Variants in EPHA6 observed in about 807,000 individuals in gnomAD.
EPHA6 encodes the protein EPH receptor A6, also known as ephrin type-A receptor 6.
EPHA6 carries 50 observed loss-of-function variants against 112.0 expected under a neutral mutation model. The observed-to-expected ratio is 0.45, with a 90% CI of 0.36 to 0.56. The LOEUF (loss-of-function observed/expected upper bound fraction) is 0.56. Ranked by LOEUF, EPHA6 falls within the 20% of genes least tolerant of loss-of-function variation. The pLI, the probability that EPHA6 is intolerant of heterozygous loss-of-function variation, is 0.00. For synonymous variants in EPHA6, 529 were observed against 490.7 expected, an observed-to-expected ratio of 1.08 and a Z score of -1.03; for missense variants, 1,280 against 1,417.4, an observed-to-expected ratio of 0.90 and a Z score of 1.56.
chr3:97,660,634 G>A (rs2094163498), intron 14 of EPHA6, among the ~76,000 whole-genome samples: 1 of 152,036 alleles, frequency 6.6e-6, no homozygotes, highest in African/African-American at 2.4e-5. Flanking sequence ...TGCCTGTATT[G>A]TGCCCAGAAT....
chr3:97,457,858 A>G (rs1310010987), intron 7 of EPHA6, among the ~76,000 whole-genome samples: 3 of 151,898 alleles, frequency 2.0e-5, no homozygotes, highest in African/African-American at 7.3e-5. Flanking sequence ...CGAGGTCAGG[A>G]GATCGAGACC....
chr3:97,661,383 A>G (rs2094168962), intron 14 of EPHA6, among the ~76,000 whole-genome samples: 2 of 152,318 alleles, frequency 1.3e-5, no homozygotes, highest in South Asian at 4.1e-4. Context: ...AACACTGCAG[A>G]AATCTTATAG....
At chr3:97,695,496 A>G (rs1433314006) in intron 14 of EPHA6, among the ~76,000 whole-genome samples, 1 of 152,200 alleles carries the variant, frequency 6.6e-6, no homozygotes, top group African/African-American at 2.4e-5. Context: ...TCAAGAAGCT[A>G]TCTATTGTAA....
At chr3:97,127,131 C>T (rs887128143) in intron 3 of EPHA6, among the ~76,000 whole-genome samples, 1 of 152,012 alleles carries the variant, frequency 6.6e-6, no homozygotes, top group African/African-American at 2.4e-5. Context: ...GAAATGAAGA[C>T]CCAAGTAATA....
In EPHA6 at chr3:96,857,457, A is replaced by C. The variant is rs938922336; in HGVS notation, c.386-9368A>C. On this transcript the variant is annotated intron_variant, in intron 1 of 17. Coordinates refer to ENST00000389672, the MANE Select transcript of EPHA6 (RefSeq NM_001080448.3). ...CATTCCTCCTCCTAACTCCTCTGCAATAGAGAAATATGCCAAAAAAGATTA... is the reference window on the plus strand; with the variant it reads ...CATTCCTCCTCCTAACTCCTCTGCACTAGAGAAATATGCCAAAAAAGATTA... Among the ~76,000 whole-genome samples the C allele has an allele frequency of 5.3e-5, 8 of 151,666 alleles. No homozygotes were observed. In the East Asian group the frequency reaches 1.5e-3, roughly 29 times the overall value.
chr3:97,640,425 C>T (rs1160712961), intron 14 of EPHA6, among the ~76,000 whole-genome samples: 2 of 152,086 alleles, frequency 1.3e-5, no homozygotes, highest in African/African-American at 4.8e-5. Context: ...GAGACAGGCA[C>T]TGATTTATTT....
At chr3:97,200,356 A>G (rs2077548003) in intron 3 of EPHA6, among the ~76,000 whole-genome samples, 1 of 152,022 alleles carries the variant, frequency 6.6e-6, no homozygotes, top group Non-Finnish European at 1.5e-5. Context: ...GTCCTTCTTA[A>G]CCATCAGACC....
At chr3:96,905,511 G>T (rs1438145548) in intron 2 of EPHA6, among the ~76,000 whole-genome samples, 1 of 151,872 alleles carries the variant, frequency 6.6e-6, no homozygotes, top group Admixed American at 6.6e-5. Flanking sequence ...TTTATGCAAA[G>T]ACAATTGATA....
At chr3:97,007,445 T>A (rs2043924660) in intron 3 of EPHA6, among the ~76,000 whole-genome samples, 2 of 151,978 alleles carry the variant, frequency 1.3e-5, no homozygotes, top group Non-Finnish European at 2.9e-5. Context: ...TTTTTTTTCT[T>A]TCCATTTGCT....
chr3:97,248,003 A>G (rs2079032368), intron 5 of EPHA6, among the ~76,000 whole-genome samples: 1 of 152,014 alleles, frequency 6.6e-6, no homozygotes, highest in Admixed American at 6.6e-5. Flanking sequence ...CTGTATGTAT[A>G]TATTTTTTCT....
intron 1 of EPHA6, among the ~76,000 whole-genome samples, chr3:96,833,345 A>C (rs2107286065): frequency 6.6e-6 from 1 of 151,860 alleles, no homozygotes; most frequent in African/African-American, 2.4e-5. Flanking sequence ...AAAACTAGGA[A>C]GGAGGCATGG....
chr3:96,994,031 C>T (rs760710031), intron 3 of EPHA6, among the ~76,000 whole-genome samples: 1 of 152,062 alleles, frequency 6.6e-6, no homozygotes, highest in South Asian at 2.1e-4. Flanking sequence ...TCCAAAAAGT[C>T]GTACTACTGA....
chr3:97,311,103 A>G (rs1488221766), intron 5 of EPHA6, among the ~76,000 whole-genome samples: 2 of 151,618 alleles, frequency 1.3e-5, no homozygotes, highest in African/African-American at 4.8e-5. Flanking sequence ...GCAAGTCTGG[A>G]TGCTGAAGTG....
intron 16 of EPHA6, among the ~76,000 whole-genome samples, chr3:97,742,557 A>T (rs1334001230): frequency 6.6e-6 from 1 of 152,192 alleles, no homozygotes; most frequent in Non-Finnish European, 1.5e-5. Flanking sequence ...AATAAAAAAC[A>T]ATTGAAGACT....
intron 3 of EPHA6, among the ~76,000 whole-genome samples, chr3:97,220,483 T>C (rs989988263): frequency 6.6e-6 from 1 of 152,134 alleles, no homozygotes; most frequent in Admixed American, 6.5e-5. Context: ...TGACCACCAG[T>C]TTAACATGTC....
intron 11 of EPHA6, among the ~76,000 whole-genome samples, chr3:97,550,120 C>T (rs1309973901): frequency 6.6e-6 from 1 of 152,158 alleles, no homozygotes; most frequent in Non-Finnish European, 1.5e-5. Flanking sequence ...GAGGCCAAGT[C>T]AATTCCAGGT....
intron 15 of EPHA6, among the ~76,000 whole-genome samples, chr3:97,730,706 G>T (rs2034996871): frequency 6.6e-6 from 1 of 152,062 alleles, no homozygotes; most frequent in South Asian, 2.1e-4. Context: ...TGTTTATGAA[G>T]ATAAAGGTTA....
At chr3:97,490,325 C>T (rs1490488026) in intron 10 of EPHA6, among the ~76,000 whole-genome samples, 1 of 152,022 alleles carries the variant, frequency 6.6e-6, no homozygotes, top group Non-Finnish European at 1.5e-5. Context: ...TAACAATTTA[C>T]TTGATAGACC....
chr3:97,164,105 T>C (rs1378098697), intron 3 of EPHA6, among the ~76,000 whole-genome samples: 1 of 152,204 alleles, frequency 6.6e-6, no homozygotes, highest in African/African-American at 2.4e-5. Context: ...CTAGCCAATC[T>C]CATTATATTT....
Sources: allele counts gnomAD v4.1 joint callset (sites outside exome capture counted in the v4.1 genomes callset), GRCh38; gene constraint gnomAD v4.1.1; transcripts MANE v1.5; gene names NCBI Gene and HGNC (gene_info 2026-07-23, HGNC 2026-07-21).